BLVRB: variants seen among roughly 807,000 people sequenced by gnomAD.
The protein encoded by BLVRB is flavin reductase (NADPH).
BLVRB carries 25 observed loss-of-function variants against 21.1 expected under a neutral mutation model. The ratio of observed to expected loss-of-function variants is 1.19; its 90% CI spans 0.86 to 1.66. BLVRB has a LOEUF of 1.66. BLVRB is among the 40% of genes most tolerant of loss of function. The probability of loss-of-function intolerance (pLI) is 0.00; values close to 1 mark genes in which losing one functional copy is unlikely to be tolerated. For synonymous variants in BLVRB, 128 were observed against 122.2 expected, an observed-to-expected ratio of 1.05 and a Z score of -0.31; for missense variants, 274 against 282.7, an observed-to-expected ratio of 0.97 and a Z score of 0.22.
At chr19:40,456,902 T>C (rs1464158609) in intron 3 of BLVRB, among the ~76,000 whole-genome samples, 2 of 147,564 alleles carry the variant, frequency 1.4e-5, no homozygotes, top group African/African-American at 2.5e-5. Context: ...GCCTGGGCAA[T>C]GGAGTCAGAC....
At position 40,465,627 on chromosome 19, in the gene BLVRB, G is replaced by C. The variant is rs2079810713; in HGVS notation, c.62C>G (p.Ala21Gly). The C allele has an allele frequency of 6.2e-7, 1 of 1,612,410 alleles. No individual in the cohort carries two copies. ...GCTCATGCCTGCTTGCACCGCCTGC[G>C]CCAGGGTGGTGAGCCCGGTCTGGCC... Reference protein sequence around the residue: ...ATGQTGLTTLAQAVQAGYEVT... With the variant: ...ATGQTGLTTLGQAVQAGYEVT... Residue 21 changes from alanine (A) to glycine (G), a missense_variant, in exon 1 of 5, where the codon GCG becomes GGG. Coordinates refer to ENST00000263368, the MANE Select transcript of BLVRB (RefSeq NM_000713.3).
At chr19:40,448,608 A>AAT (rs55783717) in intron 4 of BLVRB, among the ~76,000 whole-genome samples, 6,213 of 125,814 alleles carry the variant, frequency 0.049, 173 homozygotes, top group Middle Eastern at 0.087. Flanking sequence ...AACAACAACA[A>AAT]ATATATATAT....
rs45490593 is a variant in BLVRB, at chr19:40,457,995, A to C, written c.334+160T>G. On this transcript the variant is annotated intron_variant, in intron 3 of 4. Coordinates refer to ENST00000263368, the MANE Select transcript of BLVRB (RefSeq NM_000713.3). ...AGGGCCCAGGGCTGTACAGGTCACC[A>C]CTGTGTCCCCAGCATCACCCAGTAA... 9,450 of 714,204 alleles carry C rather than the reference A, an allele frequency of 0.013. 681 individuals are homozygous for C. In the Admixed American group the frequency reaches 0.16, roughly 12 times the overall value. 44.2% of individuals were successfully genotyped at this position (714,204 alleles called of 1,614,324 possible).
At chr19:40,448,702 A>G (rs2079726071) in intron 4 of BLVRB, among the ~76,000 whole-genome samples, 1 of 150,824 alleles carries the variant, frequency 6.6e-6, no homozygotes, top group Admixed American at 6.6e-5. Context: ...TTAGGGATAC[A>G]ATGTACCATC....
chr19:40,448,606 CA>C (rs199890252), intron 4 of BLVRB, among the ~76,000 whole-genome samples: 12,400 of 61,928 alleles, frequency 0.2, 613 homozygotes, highest in African/African-American at 0.29. Flanking sequence ...ACAACAACAA[CA>C]AATATATATA....
chr19:40,463,836 C>T (rs1215891991), intron 1 of BLVRB, among the ~76,000 whole-genome samples: 7 of 151,038 alleles, frequency 4.6e-5, no homozygotes, highest in African/African-American at 7.3e-5. Context: ...GGCGTAATCT[C>T]GGCTCACCAC....
intron 4 of BLVRB, among the ~76,000 whole-genome samples, chr19:40,448,288 C>CA (rs1158688482): frequency 6.6e-6 from 1 of 152,052 alleles, no homozygotes; most frequent in African/African-American, 2.4e-5. Flanking sequence ...AGGGACAAAG[C>CA]AGACAGGAAT....
At chr19:40,457,940 A>G (rs187778192) in intron 3 of BLVRB, 77 of 555,194 alleles carry the variant, frequency 1.4e-4, no homozygotes, top group Middle Eastern at 4.8e-4. Context: ...GGATCTGTTT[A>G]CCACCTCTCT....
chr19:40,449,015 T>G (rs1484203976), intron 4 of BLVRB, among the ~76,000 whole-genome samples: 2 of 151,138 alleles, frequency 1.3e-5, no homozygotes, highest in East Asian at 3.9e-4. Flanking sequence ...AAGGCGGAGG[T>G]TGCAGTGAGC....
At chr19:40,460,690 G>T (rs1045993525) in intron 1 of BLVRB, among the ~76,000 whole-genome samples, 1 of 151,894 alleles carries the variant, frequency 6.6e-6, no homozygotes, top group Admixed American at 6.6e-5. Context: ...GAGTTACCTG[G>T]TGCTGGGCGC....
At chr19:40,465,483 C>T in intron 1 of BLVRB, 127 bp downstream of exon 1, 1 of 1,198,012 alleles carries the variant, frequency 8.3e-7, no homozygotes, top group South Asian at 1.3e-5. Context: ...TGCTTTGGCC[C>T]CTGAGTCCTC....
intron 1 of BLVRB, among the ~76,000 whole-genome samples, chr19:40,461,902 T>C (rs538267291): frequency 6.6e-6 from 1 of 152,340 alleles, no homozygotes; most frequent in East Asian, 1.9e-4. Flanking sequence ...TTACCCTCTT[T>C]ACCCGGTCCC....
At chr19:40,457,034 G>C (rs1377859841) in intron 3 of BLVRB, among the ~76,000 whole-genome samples, 3 of 152,004 alleles carry the variant, frequency 2.0e-5, no homozygotes, top group African/African-American at 7.2e-5. Flanking sequence ...AATTAGCCAG[G>C]TGTGGTGGTG....
intron 3 of BLVRB, among the ~76,000 whole-genome samples, chr19:40,455,089 C>CTA (rs1385036776): frequency 1.3e-5 from 2 of 151,986 alleles, no homozygotes; most frequent in African/African-American, 4.8e-5. Flanking sequence ...GCAAGCAATC[C>CTA]GCCCACCTTG....
intron 4 of BLVRB, 21 bp downstream of exon 4, chr19:40,451,343 C>A: frequency 6.3e-7 from 1 of 1,590,648 alleles, no homozygotes; most frequent in Admixed American, 1.8e-5. Context: ...ATTGGTGCCA[C>A]CAGGTCCCTG....
In BLVRB at chr19:40,458,218, C is replaced by T. The variant is rs201096602; in HGVS notation, c.271G>A (p.Ala91Thr). The change falls in exon 3 of 5, where the codon GCC becomes ACC. Residue 91 changes from alanine to threonine, a missense_variant. Coordinates refer to ENST00000263368, the MANE Select transcript of BLVRB (RefSeq NM_000713.3). ...LSPTTVMSEG[A>T]RNIVAAMKAH... ...TTCATGGCTGCCACAATGTTCCGGG[C>T]GCCCTCGGACATCACTGTCGTGGGA... 3.5e-5 allele frequency: 57 copies of T among 1,613,658 alleles called. No homozygotes were observed. The highest frequency in any genetic ancestry group is 3.1e-4 in the East Asian group (14 of 44,882).
intron 4 of BLVRB, chr19:40,450,327 A>G (rs1464871814): frequency 7.2e-6 from 1 of 138,174 alleles, no homozygotes; most frequent in Non-Finnish European, 1.5e-5. Flanking sequence ...AACACTGTGA[A>G]ACCCCGTCTG....
rs778034327 is a variant in BLVRB, at chr19:40,451,386, C to T, written c.441G>A (p.Val147=). 2.5e-6 allele frequency: 4 copies of T among 1,607,552 alleles called. No individual in the cohort carries two copies. The part of the protein sequence containing the change: ...KVLRESGLKY[V]AVMPPHIGDQ... The stretch of plus-strand genomic sequence containing the variant: ...TACCTATGTGTGGCGGCATCACAGC[C>T]ACGTACTTCAGGCCTGATTCCCGCA... The change falls in exon 4 of 5, where the codon GTG becomes GTA. Residue 147 remains valine, a synonymous_variant. Coordinates refer to ENST00000263368, the MANE Select transcript of BLVRB (RefSeq NM_000713.3).
intron 1 of BLVRB, among the ~76,000 whole-genome samples, chr19:40,463,200 G>A (rs367787603): frequency 2.7e-5 from 4 of 146,362 alleles, no homozygotes; most frequent in African/African-American, 4.9e-5. Context: ...TTAGGCAACC[G>A]GGCCAGGATC....
Sources: allele counts gnomAD v4.1 joint callset (sites outside exome capture counted in the v4.1 genomes callset), GRCh38; gene constraint gnomAD v4.1.1; transcripts MANE v1.5; gene names NCBI Gene and HGNC (gene_info 2026-07-23, HGNC 2026-07-21).